Variants in ZNF778 observed in about 807,000 individuals in gnomAD.
ZNF778 encodes the protein zinc finger protein 778.
ZNF778 carries 37 observed loss-of-function variants against 23.9 expected under a neutral mutation model. The observed-to-expected ratio is 1.54, with a 90% confidence interval of 1.19 to 2.03. ZNF778 has a LOEUF of 2.03. Among genes scored for constraint, ZNF778 ranks in the 30% most tolerant of loss-of-function variants. The pLI is 0.00. For missense variants in ZNF778, 1,297 were observed against 934.4 expected, an observed-to-expected ratio of 1.39 and a Z score of -5.06; for synonymous variants, 483 against 343.9, an observed-to-expected ratio of 1.40 and a Z score of -4.48.
chr16:89,224,628 TA>T, intron 4 of ZNF778, 90 bp from the exon 5 acceptor site: 58 of 958,536 alleles, frequency 6.1e-5, no homozygotes, highest in Non-Finnish European at 8.3e-5. Context: ...CAAAAAATAA[TA>T]AAAAAAAGGA....
chr16:89,218,699 G>A, intron 1 of ZNF778, among the ~76,000 whole-genome samples: 1 of 152,226 alleles, frequency 6.6e-6, no homozygotes. Flanking sequence ...GCTGAGGCAG[G>A]AGAATGGCGT....
chr16:89,225,427 T>G (rs2031386610), intron 5 of ZNF778, 128 bp from the exon 6 acceptor site: 1 of 685,214 alleles, frequency 1.5e-6, no homozygotes, highest in African/African-American at 1.8e-5. Flanking sequence ...GTTCCTATGA[T>G]TCCAAATTTT....
In ZNF778 at chr16:89,232,849, C is replaced by T. The variant is rs1041819529; in HGVS notation, c.*4287C>T. 71 of 1,255,282 alleles carry T rather than the reference C, an allele frequency of 5.7e-5. No individual in the cohort carries two copies. The highest frequency in any genetic ancestry group is 1.1e-4 in the African/African-American group (6 of 54,812). The allele number at this position is 1,255,282 out of a possible 1,614,324, so 77.8% of individuals were successfully genotyped here. A position where few individuals can be genotyped will look rare whatever the true frequency, so the allele number is the denominator to read the frequency against. ...ACCGTATATGCAACTCAACTCACAC[C>T]GTGTATGCAAATCAACTCGCACTGC... is the stretch of plus-strand genomic sequence containing the variant. On this transcript the variant is annotated 3_prime_UTR_variant, in exon 7 of 7. Transcript: ENST00000433976.
In ZNF778 at chr16:89,227,582, G is replaced by C; in HGVS notation, c.1294G>C (p.Val432Leu). ...CAGCTACTGTGGGAAGGCCTTCACT[G>C]TGCGCTGTGGCCTTACTAGACACGT... is the stretch of plus-strand genomic sequence containing the variant. ...TCSYCGKAFT[V>L]RCGLTRHVRT... The change falls in exon 7 of 7, where the codon GTG (valine) becomes CTG (leucine). Residue 432 changes from valine (V) to leucine (L), a missense_variant. Coordinates refer to ENST00000433976, the MANE Select transcript of ZNF778 (RefSeq NM_001201407.2). 3 of 1,614,172 alleles carry C rather than the reference G, an allele frequency of 1.9e-6. No homozygotes were observed. The highest frequency in any genetic ancestry group is 2.5e-6 in the Non-Finnish European group (3 of 1,180,012).
At chr16:89,220,788 G>A (rs1193729243) in intron 1 of ZNF778, among the ~76,000 whole-genome samples, 1 of 152,188 alleles carries the variant, frequency 6.6e-6, no homozygotes, top group African/African-American at 2.4e-5. Context: ...ATGAACACGG[G>A]TGAAATCTGT....
intron 1 of ZNF778, chr16:89,218,225 C>G (rs1667662919): frequency 6.6e-6 from 1 of 152,190 alleles, no homozygotes; most frequent in Non-Finnish European, 1.5e-5. Context: ...TGTATTTTTT[C>G]TCACGTTTTG....
rs2032168870 is a variant in ZNF778, at chr16:89,234,203, G to A, written c.*5641G>A. On this transcript the variant is annotated 3_prime_UTR_variant, in exon 7 of 7. Coordinates refer to ENST00000433976, the MANE Select transcript of ZNF778 (RefSeq NM_001201407.2). ...TCCGCGTCTAGGCCCCACCAGTGGT[G>A]TGGTTTTCCTCATAGTCTCTCTACC... 2.7e-6 allele frequency: 1 copy of A among 371,650 alleles called. No individual in the cohort carries two copies. Among genetic ancestry groups the A allele is most frequent in the South Asian group, 2.0e-5 (1 of 49,888 alleles). 23.0% of individuals were successfully genotyped at this position (371,650 alleles called of 1,614,324 possible).
chr16:89,224,160 G>A (rs1242507937), intron 4 of ZNF778, among the ~76,000 whole-genome samples: 1 of 151,910 alleles, frequency 6.6e-6, no homozygotes, highest in East Asian at 1.9e-4. Context: ...AGCACTCTAG[G>A]AGGCCAGGCG....
chr16:89,223,094 C>T, intron 3 of ZNF778, 63 bp from the exon 4 acceptor site: 1 of 1,571,496 alleles, frequency 6.4e-7, no homozygotes, highest in Non-Finnish European at 8.6e-7. Flanking sequence ...CCCGCCTCCT[C>T]ATTCTTCAGT....
rs1228233225 is a variant in ZNF778 at position 89,221,116 on chromosome 16, C to T, written c.-12C>T. 2 of 1,567,116 alleles carry T rather than the reference C, an allele frequency of 1.3e-6. No homozygotes were observed. Among genetic ancestry groups the T allele is most frequent in the Admixed American group, 1.9e-5 (1 of 53,238 alleles). On this transcript the variant is annotated 5_prime_UTR_variant, in exon 2 of 7. Coordinates refer to ENST00000433976, the MANE Select transcript of ZNF778 (RefSeq NM_001201407.2). ...GAAAGGAGCATTCAGACGCTTCCGTCAGCCTCCCAGGATGGCAGCCCCTGA... is the reference window on the plus strand; with the variant it reads ...GAAAGGAGCATTCAGACGCTTCCGTTAGCCTCCCAGGATGGCAGCCCCTGA...
At chr16:89,221,982 C>CAGG in intron 2 of ZNF778, 110 bp from the exon 3 acceptor site, 1 of 676,212 alleles carries the variant, frequency 1.5e-6, no homozygotes, top group South Asian at 2.0e-5. Flanking sequence ...CCTGAGTGTG[C>CAGG]AGGAGTACGT....
In ZNF778 at chr16:89,227,681, A is replaced by C; in HGVS notation, c.1393A>C (p.Thr465Pro). Residue 465 changes from threonine to proline, a missense_variant, in exon 7 of 7, where the codon ACT (threonine) becomes CCT (proline). Coordinates refer to ENST00000433976, the MANE Select transcript of ZNF778 (RefSeq NM_001201407.2). ...GKAFCTSSGL[T>P]EHVRTHTGEK... Reference sequence around the variant, plus strand: ...AGCCTTCTGTACATCCTCGGGCCTTACTGAGCATGTAAGGACTCACACTGG... The same window carrying C: ...AGCCTTCTGTACATCCTCGGGCCTTCCTGAGCATGTAAGGACTCACACTGG... 3 of 1,614,186 alleles carry C rather than the reference A, an allele frequency of 1.9e-6. No homozygotes were observed. Among genetic ancestry groups the C allele is most frequent in the Non-Finnish European group, 2.5e-6 (3 of 1,180,020 alleles).
Position 89,233,514 on chromosome 16 carries a change from A to G in ZNF778, c.*4952A>G, listed in dbSNP as rs534455300. On this transcript the variant is annotated 3_prime_UTR_variant, in exon 7 of 7. Transcript: ENST00000433976. The stretch of plus-strand genomic sequence containing the variant: ...GTATGCAACTCAGCTTGCTCTGTGT[A>G]TGCAACTCAACTCGCACTGCGTATG... The G allele has an allele frequency of 6.9e-4, 876 of 1,277,080 alleles. 7 individuals carry two copies. The highest frequency in any genetic ancestry group is 2.8e-3 in the South Asian group (221 of 80,132). 79.1% of individuals were successfully genotyped at this position (1,277,080 alleles called of 1,614,324 possible).
Position 89,227,848 on chromosome 16 carries a change from C to T in ZNF778, c.1560C>T (p.Leu520=). 6.2e-7 allele frequency: 1 copy of T among 1,613,652 alleles called. No homozygotes were observed. Among genetic ancestry groups the T allele is most frequent in the South Asian group, 1.1e-5 (1 of 91,030 alleles). ...AAGCCTTCACAGGGCGCTCAGGCCT[C>T]ACTAAACACATGCGGACACACACCG... ...CGKAFTGRSG[L]TKHMRTHTGE... Residue 520 remains leucine (L), a synonymous_variant, in exon 7 of 7, where the codon CTC becomes CTT. Transcript: ENST00000433976.
At position 89,232,642 on chromosome 16, in the gene ZNF778, G is replaced by GT. The variant is rs59572628; in HGVS notation, c.*4094dup. ...TTAAAGGACCAATTGTATTAATTAT[G>GT]TTTTTTTTTTTTTTGTTAGGGTACA... On this transcript the variant is annotated 3_prime_UTR_variant, in exon 7 of 7. Transcript: ENST00000433976. 3.7e-3 allele frequency: 3,849 copies of GT among 1,046,580 alleles called. 1 individual carries two copies. Among genetic ancestry groups the GT allele is most frequent in the Non-Finnish European group, 4.0e-3 (3,523 of 877,454 alleles). 64.8% of individuals were successfully genotyped at this position (1,046,580 alleles called of 1,614,324 possible).
rs1182882182 is a variant in ZNF778 at position 89,232,554 on chromosome 16, T to C, written c.*3992T>C. 1.9e-6 allele frequency: 2 copies of C among 1,075,042 alleles called. No individual in the cohort carries two copies. The highest frequency in any genetic ancestry group is 2.4e-6 in the Non-Finnish European group (2 of 838,858). 66.6% of individuals were successfully genotyped at this position (1,075,042 alleles called of 1,614,324 possible). On this transcript the variant is annotated 3_prime_UTR_variant, in exon 7 of 7. Coordinates refer to ENST00000433976, the MANE Select transcript of ZNF778 (RefSeq NM_001201407.2). ...GTTCTGTGTCACTTAGGGCAACTTATGCCCTCCTGTGTGAAAATCTCCACT... is the reference window on the plus strand; with the variant it reads ...GTTCTGTGTCACTTAGGGCAACTTACGCCCTCCTGTGTGAAAATCTCCACT...
intron 1 of ZNF778, among the ~76,000 whole-genome samples, chr16:89,219,549 G>T (rs2030712256): frequency 1.3e-5 from 2 of 152,206 alleles, no homozygotes; most frequent in African/African-American, 4.8e-5. Context: ...TAAGTGGTCA[G>T]CTGCATAGAT....
Position 89,230,172 on chromosome 16 carries a change from C to G in ZNF778, c.*1610C>G. On this transcript the variant is annotated 3_prime_UTR_variant, in exon 7 of 7. Coordinates refer to ENST00000433976, the MANE Select transcript of ZNF778 (RefSeq NM_001201407.2). ...ATTTTATGAAAATGCCCTTGTTCCT[C>G]TCCCATACCTGATCCCTTCAGATAA... 2.0e-6 allele frequency: 1 copy of G among 498,712 alleles called. No homozygotes were observed. The highest frequency in any genetic ancestry group is 2.6e-6 in the Non-Finnish European group (1 of 386,130). The allele number at this position is 498,712 out of a possible 1,614,324, so 30.9% of individuals were successfully genotyped here.
At position 89,231,981 on chromosome 16, in the gene ZNF778, G is replaced by A. The variant is rs2031950824; in HGVS notation, c.*3419G>A. 6.5e-6 allele frequency: 1 copy of A among 152,896 alleles called. No homozygotes were observed. Among genetic ancestry groups the A allele is most frequent in the Non-Finnish European group, 1.5e-5 (1 of 68,610 alleles). 9.5% of individuals were successfully genotyped at this position (152,896 alleles called of 1,614,324 possible). On this transcript the variant is annotated 3_prime_UTR_variant, in exon 7 of 7. Coordinates refer to ENST00000433976, the MANE Select transcript of ZNF778 (RefSeq NM_001201407.2). ...TTTATCACCTTTATAACTCCTCAAGGATATTATCATTGGACCCCCAACATT... is the reference window on the plus strand; with the variant it reads ...TTTATCACCTTTATAACTCCTCAAGAATATTATCATTGGACCCCCAACATT...
Sources: gnomAD v4.1 joint callset for allele counts (sites outside exome capture counted in the v4.1 genomes callset) on GRCh38, gnomAD v4.1.1 for gene constraint, MANE v1.5 for transcripts, NCBI Gene and HGNC (gene_info 2026-07-23, HGNC 2026-07-21) for gene names.